STAG1: variants seen among roughly 807,000 people sequenced by gnomAD.
STAG1 encodes the protein STAG1 cohesin complex component.
In STAG1, 26 loss-of-function variants were observed where a neutral mutation model predicts 170.9. The observed-to-expected ratio is 0.15, with a 90% CI of 0.11 to 0.21. The LOEUF (loss-of-function observed/expected upper bound fraction) is 0.21. STAG1 is among the 10% of genes least tolerant of loss of function. The probability of loss-of-function intolerance (pLI) is 1.00; values close to 1 mark genes in which losing one functional copy is unlikely to be tolerated. For missense variants in STAG1, 964 were observed against 1,509.5 expected, an observed-to-expected ratio of 0.64 and a Z score of 5.99; for synonymous variants, 514 against 497.7, an observed-to-expected ratio of 1.03 and a Z score of -0.44.
intron 22 of STAG1, among the ~76,000 whole-genome samples, chr3:136,387,000 C>A (rs1448965603): frequency 6.6e-6 from 1 of 152,024 alleles, no homozygotes; most frequent in Non-Finnish European, 1.5e-5. Flanking sequence ...AAAATAAAGC[C>A]TGCTAAAAAT....
At chr3:136,478,027 T>C (rs1403645879) in intron 9 of STAG1, among the ~76,000 whole-genome samples, 1 of 152,096 alleles carries the variant, frequency 6.6e-6, no homozygotes. Context: ...TGACCTCAAG[T>C]GATCCACCCA....
intron 6 of STAG1, among the ~76,000 whole-genome samples, chr3:136,529,497 AAAC>A (rs869069141): frequency 7.2e-5 from 11 of 152,298 alleles, no homozygotes; most frequent in African/African-American, 1.7e-4. Context: ...TGCTAAAAGA[AAAC>A]AACAACAACA....
chr3:136,721,898 G>A (rs934500057), intron 1 of STAG1, among the ~76,000 whole-genome samples: 1 of 150,730 alleles, frequency 6.6e-6, no homozygotes, highest in Middle Eastern at 3.4e-3. Context: ...CTGGGCAACA[G>A]AGCTAGACTC....
Position 136,617,424 on chromosome 3 carries a change from G to A in STAG1, c.132+5722C>T, listed in dbSNP as rs118085113. Among the ~76,000 whole-genome samples, 496 of 152,262 alleles carry A rather than the reference G, an allele frequency of 3.3e-3. 7 individuals are homozygous for A. The East Asian group carries it at 0.046, about 14-fold the overall frequency. On this transcript the variant is annotated intron_variant, in intron 3 of 33. Transcript: ENST00000383202. ...ACAAAGTCCATATATTTTATATCCA[G>A]GCCTTCACCTGGCCTATGGACTTAT...
intron 32 of STAG1, among the ~76,000 whole-genome samples, chr3:136,339,768 A>G (rs956867114): frequency 6.6e-6 from 1 of 152,196 alleles, no homozygotes; most frequent in Non-Finnish European, 1.5e-5. Context: ...AAAAAACATA[A>G]ACACCATGCA....
chr3:136,363,874 C>T (rs2108287549), intron 25 of STAG1, among the ~76,000 whole-genome samples: 1 of 152,286 alleles, frequency 6.6e-6, no homozygotes, highest in African/African-American at 2.4e-5. Flanking sequence ...CCACCTCAGC[C>T]TCCTAAATAG....
chr3:136,530,228 T>G (rs746949988), intron 6 of STAG1, among the ~76,000 whole-genome samples: 1 of 152,184 alleles, frequency 6.6e-6, no homozygotes, highest in Non-Finnish European at 1.5e-5. Flanking sequence ...GCATCCAGAT[T>G]TATAAGGCAA....
Position 136,354,042 on chromosome 3 carries a change from G to T in STAG1, c.3065+3678C>A, listed in dbSNP as rs1022426916. Among the ~76,000 whole-genome samples the T allele has an allele frequency of 2.8e-4, 43 of 152,120 alleles. 1 individual carries two copies. Among genetic ancestry groups the T allele is most frequent in the Non-Finnish European group, 7.4e-5 (5 of 67,998 alleles). On this transcript the variant is annotated intron_variant, in intron 28 of 33. Transcript: ENST00000383202. ...GCAATTCGAATCCACAGGAAGAAAT[G>T]AAGAGAACCAGAAAAATGGTAAATA...
chr3:136,463,770 T>TAC (rs375928916), intron 13 of STAG1, among the ~76,000 whole-genome samples: 5,603 of 126,308 alleles, frequency 0.044, 242 homozygotes, highest in African/African-American at 0.12. Flanking sequence ...TGTGTGTGTA[T>TAC]ACACACACAC....
intron 28 of STAG1, among the ~76,000 whole-genome samples, chr3:136,354,166 T>C (rs1317895703): frequency 6.6e-6 from 1 of 152,240 alleles, no homozygotes; most frequent in African/African-American, 2.4e-5. Flanking sequence ...TAACAATTTA[T>C]TATTGGGTTT....
chr3:136,519,492 G>C (rs754539625), intron 7 of STAG1, among the ~76,000 whole-genome samples: 4 of 151,994 alleles, frequency 2.6e-5, no homozygotes, highest in Non-Finnish European at 5.9e-5. Context: ...TCTTATGACA[G>C]CAAAGTTGGT....
chr3:136,560,684 A>C (rs767131826), intron 5 of STAG1, among the ~76,000 whole-genome samples: 1 of 152,192 alleles, frequency 6.6e-6, no homozygotes, highest in Non-Finnish European at 1.5e-5. Context: ...AAATGAAGAG[A>C]CTACAGACGT....
Position 136,367,090 on chromosome 3 carries a change from C to T in STAG1, c.2546-8G>A, listed in dbSNP as rs1937102736. ...CATCTTCTTCATCACCCTCTAAACA[C>T]AGATTACAAATTGGTTATGAATTCT... On this transcript the variant is annotated splice_polypyrimidine_tract_variant and splice_region_variant and intron_variant, in intron 24 of 33. Transcript: ENST00000383202. 2 of 1,591,252 alleles carry T rather than the reference C, an allele frequency of 1.3e-6. No homozygotes were observed. The highest frequency in any genetic ancestry group is 1.7e-5 in the Admixed American group (1 of 58,378).
At chr3:136,415,566 G>A (rs745388816) in intron 21 of STAG1, among the ~76,000 whole-genome samples, 7 of 152,150 alleles carry the variant, frequency 4.6e-5, no homozygotes, top group Admixed American at 1.3e-4. Flanking sequence ...GGCCGGGTGC[G>A]GTGGCTCATG....
At chr3:136,728,865 C>G (rs930475468) in intron 1 of STAG1, among the ~76,000 whole-genome samples, 3 of 152,122 alleles carry the variant, frequency 2.0e-5, no homozygotes, top group Non-Finnish European at 4.4e-5. Flanking sequence ...CTCCTAAACC[C>G]TAAGTGTTTT....
chr3:136,385,345 C>T (rs1002688218), intron 22 of STAG1, among the ~76,000 whole-genome samples: 6 of 152,190 alleles, frequency 3.9e-5, no homozygotes, highest in Middle Eastern at 3.4e-3. Context: ...GAGGCTGAGG[C>T]GGGAGGATCT....
At chr3:136,685,473 T>C (rs556624081) in intron 1 of STAG1, among the ~76,000 whole-genome samples, 21 of 152,322 alleles carry the variant, frequency 1.4e-4, no homozygotes, top group African/African-American at 5.1e-4. Context: ...CAACTGTACT[T>C]CTTAGAATTT....
chr3:136,339,205 CCTT>C (rs1419462481), intron 32 of STAG1, among the ~76,000 whole-genome samples: 1 of 152,132 alleles, frequency 6.6e-6, no homozygotes, highest in Non-Finnish European at 1.5e-5. Flanking sequence ...AAAGAAATCA[CCTT>C]CATCTCAGGA....
chr3:136,506,369 G>A (rs1933762083), intron 7 of STAG1, among the ~76,000 whole-genome samples: 3 of 151,260 alleles, frequency 2.0e-5, no homozygotes, highest in South Asian at 2.1e-4. Flanking sequence ...GGGGGCTCAC[G>A]CCTGTAATCC....
Sources: allele counts gnomAD v4.1 joint callset (sites outside exome capture counted in the v4.1 genomes callset), GRCh38; gene constraint gnomAD v4.1.1; transcripts MANE v1.5; gene names NCBI Gene and HGNC (gene_info 2026-07-23, HGNC 2026-07-21).